The following ALS2 variants were observed in gnomAD, a reference collection of about 807,000 sequenced individuals.
ALS2 encodes alsin Rho guanine nucleotide exchange factor ALS2, also known as alsin.
Under a neutral mutation model 203.4 loss-of-function variants are expected in ALS2, and 117 were observed. That is an observed-to-expected ratio of 0.58 (90% CI 0.50 to 0.67). The LOEUF is 0.67. Among genes scored for constraint, ALS2 ranks in the 30% least tolerant of loss-of-function variants. ALS2 has a pLI of 0.00. For synonymous variants in ALS2, 718 were observed against 725.9 expected, an observed-to-expected ratio of 0.99 and a Z score of 0.17; for missense variants, 1,715 against 1,989.4, an observed-to-expected ratio of 0.86 and a Z score of 2.62.
At chr2:201,724,171 C>T in intron 21 of ALS2, 124 bp downstream of exon 21, 1 of 1,043,876 alleles carries the variant, frequency 9.6e-7, no homozygotes, top group Non-Finnish European at 1.4e-6. Flanking sequence ...TTTTCACCTA[C>T]TCAAACTCAA....
At chr2:201,724,480 T>A in intron 20 of ALS2, 21 bp from the exon 21 acceptor site, 1 of 1,613,040 alleles carries the variant, frequency 6.2e-7, no homozygotes, top group Non-Finnish European at 8.5e-7. Context: ...AAAGAATGGA[T>A]AATTATCACA....
At chr2:201,720,064 C>T in intron 23 of ALS2, 1 of 388,296 alleles carries the variant, frequency 2.6e-6, no homozygotes, top group Non-Finnish European at 4.9e-6. Flanking sequence ...CAAAGCTTCG[C>T]AAACTTTCAG....
intron 5 of ALS2, among the ~76,000 whole-genome samples, 166 bp downstream of exon 5, chr2:201,757,236 G>A (rs1467204628): frequency 2.0e-5 from 3 of 152,158 alleles, no homozygotes; most frequent in Non-Finnish European, 2.9e-5. Context: ...GATATCTAAA[G>A]CAGATAAACA....
intron 12 of ALS2, among the ~76,000 whole-genome samples, chr2:201,735,341 T>C (rs6435099): frequency 6.6e-6 from 1 of 152,310 alleles, no homozygotes; most frequent in East Asian, 1.9e-4. Context: ...CTTATTAGTG[T>C]ACAATTAAGA....
intron 12 of ALS2, among the ~76,000 whole-genome samples, chr2:201,737,184 A>G (rs1461008050): frequency 6.6e-6 from 1 of 152,188 alleles, no homozygotes; most frequent in African/African-American, 2.4e-5. Context: ...AACTATTTAT[A>G]TAGCATTTAT....
At chr2:201,743,723 C>T (rs956851515) in intron 10 of ALS2, among the ~76,000 whole-genome samples, 3 of 152,194 alleles carry the variant, frequency 2.0e-5, no homozygotes, top group African/African-American at 7.2e-5. Context: ...GATCTGCCCT[C>T]CTCGGCCTCC....
rs79825965 is a variant in ALS2 at position 201,769,613 on chromosome 2, T to C, written c.-60-668A>G. 1.5e-3 allele frequency among the ~76,000 whole-genome samples: 234 copies of C among 152,254 alleles called. 5 individuals are homozygous for C. In the East Asian group the frequency reaches 0.04, roughly 26 times the overall value. On this transcript the variant is annotated intron_variant, in intron 1 of 33. Transcript: ENST00000264276. ...GCTGTATGAAAATTATAGTTACAAA[T>C]ATCATGGCCCATCAGTTTAGAAACT...
intron 33 of ALS2, among the ~76,000 whole-genome samples, chr2:201,703,270 A>G (rs895599670): frequency 6.6e-6 from 1 of 152,222 alleles, no homozygotes; most frequent in Non-Finnish European, 1.5e-5. Flanking sequence ...CAAAGCATCT[A>G]TATAATTTGC....
At position 201,757,724 on chromosome 2, in the gene ALS2, G is replaced by A; in HGVS notation, c.1149C>T (p.Ser383=). 6.2e-7 allele frequency: 1 copy of A among 1,612,536 alleles called. No homozygotes were observed. Among genetic ancestry groups the A allele is most frequent in the Non-Finnish European group, 8.5e-7 (1 of 1,179,980 alleles). The change falls in exon 5 of 34, where the codon AGC becomes AGT. Residue 383 remains serine, a synonymous_variant. Coordinates refer to ENST00000264276, the MANE Select transcript of ALS2 (RefSeq NM_020919.4). ...GGGCTGAGGTGCTTGTGGTAGGCGG[G>A]CTGTGGAGATTAGGAATTGCTTCTT... ...LLEEAIPNLH[S]PPTTSTSALN...
chr2:201,715,388 A>G (rs1025197548), intron 25 of ALS2, among the ~76,000 whole-genome samples: 7 of 152,198 alleles, frequency 4.6e-5, no homozygotes, highest in African/African-American at 1.7e-4. Context: ...ACATCTAAGT[A>G]AACTCACCAC....
At chr2:201,728,460 G>A (rs1161057809) in intron 15 of ALS2, 52 bp downstream of exon 15, 68 of 1,607,722 alleles carry the variant, frequency 4.2e-5, no homozygotes, top group Non-Finnish European at 5.6e-5. Context: ...CAGTTAATAA[G>A]GATAGGGGTC....
At chr2:201,729,897 A>AAAAAAAC (rs1559054016) in intron 13 of ALS2, among the ~76,000 whole-genome samples, 1 of 150,088 alleles carries the variant, frequency 6.7e-6, no homozygotes, top group African/African-American at 2.5e-5. Flanking sequence ...AAAAAAAAAA[A>AAAAAAAC]AAAAAACAAC....
chr2:201,727,185 T>G (rs777368789), intron 17 of ALS2, 27 bp downstream of exon 17: 2 of 1,579,646 alleles, frequency 1.3e-6, no homozygotes, highest in South Asian at 1.1e-5. Flanking sequence ...GGGCGAAGAT[T>G]GAAGGAAAAT....
At chr2:201,768,989 A>T in intron 1 of ALS2, 44 bp from the exon 2 acceptor site, 121 of 1,003,146 alleles carry the variant, frequency 1.2e-4, no homozygotes, top group South Asian at 2.7e-4. Flanking sequence ...AGAATATTTT[A>T]CCCCTCAGAC....
intron 29 of ALS2, among the ~76,000 whole-genome samples, chr2:201,706,138 C>A (rs1212883510): frequency 1.3e-5 from 2 of 152,030 alleles, no homozygotes; most frequent in African/African-American, 4.8e-5. Flanking sequence ...GTAATCCCAG[C>A]ACGTTGGGAG....
Position 201,749,817 on chromosome 2 carries a change from A to C in ALS2, c.1738-28T>G, listed in dbSNP as rs758030247. On this transcript the variant is annotated intron_variant, in intron 7 of 33. Coordinates refer to ENST00000264276, the MANE Select transcript of ALS2 (RefSeq NM_020919.4). ...ATCAAAAAAACACAGAAAAGTAGCTAAGCGTTGTGAATCTGATTTTGCACA... is the reference window on the plus strand; with the variant it reads ...ATCAAAAAAACACAGAAAAGTAGCTCAGCGTTGTGAATCTGATTTTGCACA... 9 of 1,580,520 alleles carry C rather than the reference A, an allele frequency of 5.7e-6. No individual in the cohort carries two copies. In the East Asian group the frequency reaches 2.0e-4, roughly 35 times the overall value.
chr2:201,779,422 A>G (rs1346668676), intron 1 of ALS2, among the ~76,000 whole-genome samples: 1 of 152,232 alleles, frequency 6.6e-6, no homozygotes, highest in Admixed American at 6.5e-5. Context: ...AACCATGTAT[A>G]GATTCTGTCA....
At chr2:201,740,524 C>T (rs1350708078) in intron 11 of ALS2, among the ~76,000 whole-genome samples, 1 of 111,534 alleles carries the variant, frequency 9.0e-6, no homozygotes, top group Non-Finnish European at 2.3e-5. Context: ...CCAGTAAAAG[C>T]TGGAATCACA....
chr2:201,718,322 C>CAT, intron 23 of ALS2, 112 bp from the exon 24 acceptor site: 6 of 1,207,702 alleles, frequency 5.0e-6, no homozygotes, highest in Non-Finnish European at 7.1e-6. Flanking sequence ...TGCAGTGATG[C>CAT]GATCTTGGCT....
Sources: allele counts gnomAD v4.1 joint callset (sites outside exome capture counted in the v4.1 genomes callset), GRCh38; gene constraint gnomAD v4.1.1; transcripts MANE v1.5; gene names NCBI Gene and HGNC (gene_info 2026-07-23, HGNC 2026-07-21).